PLSCR2: variants seen among roughly 807,000 people sequenced by gnomAD.
PLSCR2 encodes PL scramblase 2.
A neutral mutation model predicts 25.3 loss-of-function variants in PLSCR2; 18 were observed. The ratio of observed to expected loss-of-function variants is 0.71; its 90% CI spans 0.49 to 1.06. The LOEUF (loss-of-function observed/expected upper bound fraction) is 1.06, where lower values mean the gene tolerates loss of function less well. Ranked by LOEUF, PLSCR2 falls within the 50% of genes least tolerant of loss-of-function variation. PLSCR2 has a pLI of 0.00. For missense variants in PLSCR2, 243 were observed against 269.5 expected, an observed-to-expected ratio of 0.90 and a Z score of 0.69; for synonymous variants, 88 against 87.3, an observed-to-expected ratio of 1.01 and a Z score of -0.04.
intron 2 of PLSCR2, among the ~76,000 whole-genome samples, chr3:146,403,666 A>G (rs1189990759): frequency 1.3e-5 from 2 of 151,978 alleles, no homozygotes; most frequent in African/African-American, 4.8e-5. Flanking sequence ...TATATATTTT[A>G]TTTAAGTATT....
At chr3:146,417,376 A>G (rs2039030581) in intron 2 of PLSCR2, among the ~76,000 whole-genome samples, 1 of 151,644 alleles carries the variant, frequency 6.6e-6, no homozygotes, top group Non-Finnish European at 1.5e-5. Context: ...TGTAGACAAG[A>G]GACAAATATT....
At chr3:146,479,170 A>G (rs933248564) in intron 1 of PLSCR2, among the ~76,000 whole-genome samples, 5 of 152,234 alleles carry the variant, frequency 3.3e-5, no homozygotes, top group African/African-American at 1.2e-4. Flanking sequence ...GATGCTAGGA[A>G]GAAACTGCAT....
At chr3:146,417,637 G>A (rs750181409) in intron 2 of PLSCR2, among the ~76,000 whole-genome samples, 3 of 152,068 alleles carry the variant, frequency 2.0e-5, no homozygotes, top group Non-Finnish European at 2.9e-5. Flanking sequence ...TTTCCAAAGT[G>A]GCTACTCCAT....
chr3:146,468,191 C>T (rs2041951368), intron 1 of PLSCR2, among the ~76,000 whole-genome samples: 1 of 152,176 alleles, frequency 6.6e-6, no homozygotes, highest in South Asian at 2.1e-4. Flanking sequence ...CTTGTCTATC[C>T]AACTGCAGCA....
chr3:146,459,422 G>C (rs887934769), intron 2 of PLSCR2, among the ~76,000 whole-genome samples: 1 of 152,110 alleles, frequency 6.6e-6, no homozygotes, highest in Non-Finnish European at 1.5e-5. Flanking sequence ...CAGTTCATTA[G>C]GTTTTTAATC....
At chr3:146,408,925 C>T (rs1231922423) in intron 2 of PLSCR2, among the ~76,000 whole-genome samples, 1 of 151,928 alleles carries the variant, frequency 6.6e-6, no homozygotes. Context: ...AGGTCTCTAG[C>T]TTCCTCCTCC....
At chr3:146,467,664 C>A in intron 1 of PLSCR2, among the ~76,000 whole-genome samples, 1 of 151,062 alleles carries the variant, frequency 6.6e-6, no homozygotes, top group African/African-American at 2.4e-5. Flanking sequence ...TGTACATATA[C>A]AAATACATTA....
chr3:146,399,731 TCTC>T (rs1255411817), intron 2 of PLSCR2, among the ~76,000 whole-genome samples: 9 of 151,500 alleles, frequency 5.9e-5, no homozygotes, highest in African/African-American at 1.9e-4. Flanking sequence ...TTTCTCTCTC[TCTC>T]TTTTTTTTTC....
chr3:146,455,184 G>C (rs1054225427), intron 4 of PLSCR2, 55 bp downstream of exon 4: 5 of 1,116,910 alleles, frequency 4.5e-6, no homozygotes, highest in African/African-American at 1.5e-5. Flanking sequence ...TCAATAAAAG[G>C]GTGGAAATCC....
chr3:146,455,142 T>C, intron 4 of PLSCR2, 97 bp downstream of exon 4: 1 of 787,038 alleles, frequency 1.3e-6, no homozygotes, highest in South Asian at 1.7e-5. Flanking sequence ...CATGGAGCCA[T>C]ATTCATTTAA....
intron 5 of PLSCR2, among the ~76,000 whole-genome samples, chr3:146,449,904 G>C (rs2108314652): frequency 1.3e-5 from 2 of 152,276 alleles, no homozygotes; most frequent in Middle Eastern, 6.8e-3. Flanking sequence ...GTGAAGAAAA[G>C]CAACCAGTAA....
At chr3:146,412,772 G>A (rs1419697440) in intron 2 of PLSCR2, among the ~76,000 whole-genome samples, 1 of 152,054 alleles carries the variant, frequency 6.6e-6, no homozygotes, top group African/African-American at 2.4e-5. Flanking sequence ...TATTGGCTAG[G>A]GTTGGACCGC....
At chr3:146,494,192 A>T (rs2043663770) in intron 1 of PLSCR2, among the ~76,000 whole-genome samples, 1 of 152,096 alleles carries the variant, frequency 6.6e-6, no homozygotes, top group African/African-American at 2.4e-5. Context: ...TCTTTGAGGC[A>T]CAGATTTTTG....
exon 1 of PLSCR2, chr3:146,460,280 G>T (rs1403105332): frequency 1.5e-6 from 2 of 1,293,402 alleles, no homozygotes; most frequent in African/African-American, 3.0e-5. Context: ...TTTGAGGGTG[G>T]TTCACTGTGA....
At chr3:146,473,158 T>A (rs2042171935) in intron 1 of PLSCR2, among the ~76,000 whole-genome samples, 1 of 152,220 alleles carries the variant, frequency 6.6e-6, no homozygotes, top group South Asian at 2.1e-4. Context: ...ATCTGCTTTT[T>A]TTCATATTCT....
chr3:146,465,545 A>G (rs2041819898), intron 1 of PLSCR2, among the ~76,000 whole-genome samples: 2 of 144,354 alleles, frequency 1.4e-5, no homozygotes, highest in Admixed American at 7.3e-5. Flanking sequence ...CCTAAGAACA[A>G]CTCTCTCCCG....
chr3:146,479,996 T>C (rs2043072614), intron 1 of PLSCR2, among the ~76,000 whole-genome samples: 1 of 151,936 alleles, frequency 6.6e-6, no homozygotes, highest in Non-Finnish European at 1.5e-5. Context: ...ACTGGGTAAA[T>C]AACAAAATGA....
downstream of PLSCR2, among the ~76,000 whole-genome samples, chr3:146,432,624 A>G (rs961800403): frequency 6.6e-6 from 1 of 152,176 alleles, no homozygotes; most frequent in Non-Finnish European, 1.5e-5. Context: ...GGACAAAAAT[A>G]CTTTTATAGA....
chr3:146,484,597 A>G (rs1234311166), intron 1 of PLSCR2, among the ~76,000 whole-genome samples: 1 of 152,178 alleles, frequency 6.6e-6, no homozygotes, highest in Non-Finnish European at 1.5e-5. Context: ...ACCTCTCAAG[A>G]GAAACCCTAT....
Sources: gnomAD v4.1 joint callset for allele counts (sites outside exome capture counted in the v4.1 genomes callset) on GRCh38, gnomAD v4.1.1 for gene constraint, MANE v1.5 for transcripts, NCBI Gene and HGNC (gene_info 2026-07-23, HGNC 2026-07-21) for gene names.